The following H2BN1 variants were observed in gnomAD, a reference collection of about 807,000 sequenced individuals.
The protein encoded by H2BN1 is histone H2B.N.
chr17:32,898,004 T>C, the H2BN1 span, among the ~76,000 whole-genome samples: 1 of 152,208 alleles, frequency 6.6e-6, no homozygotes, highest in African/African-American at 2.4e-5. Flanking sequence ...CTGGAATTAG[T>C]CTGTGTTATC....
At chr17:32,901,097 A>C in the H2BN1 span, among the ~76,000 whole-genome samples, 5 of 152,084 alleles carry the variant, frequency 3.3e-5, no homozygotes, top group African/African-American at 1.2e-4. Context: ...AATCTCAGTT[A>C]CTTGGGAGGC....
chr17:32,904,288 G>A, the H2BN1 span, among the ~76,000 whole-genome samples: 3 of 152,146 alleles, frequency 2.0e-5, no homozygotes, highest in Non-Finnish European at 4.4e-5. Context: ...CAGACAAGCC[G>A]AATTGAGATT....
the H2BN1 span, chr17:32,906,289 G>A: frequency 6.6e-6 from 1 of 152,248 alleles, no homozygotes; most frequent in East Asian, 1.9e-4. Context: ...CATTTAGGCT[G>A]TCCTTCTACA....
At chr17:32,901,864 G>A in the H2BN1 span, among the ~76,000 whole-genome samples, 1 of 151,748 alleles carries the variant, frequency 6.6e-6, no homozygotes, top group East Asian at 1.9e-4. Context: ...GTGTAGAAGT[G>A]TTTTTTTTAA....
At chr17:32,904,953 A>G in the H2BN1 span, among the ~76,000 whole-genome samples, 4 of 152,194 alleles carry the variant, frequency 2.6e-5, no homozygotes, top group Non-Finnish European at 4.4e-5. Flanking sequence ...AACAACAACA[A>G]CAAAAACCCA....
the H2BN1 span, among the ~76,000 whole-genome samples, chr17:32,905,116 C>G: frequency 2.0e-5 from 3 of 152,246 alleles, no homozygotes; most frequent in South Asian, 6.2e-4. Context: ...AGGAAAAAAG[C>G]CTCAAACTCC....
chr17:32,905,876 T>C, the H2BN1 span: 1 of 152,126 alleles, frequency 6.6e-6, no homozygotes, highest in African/African-American at 2.4e-5. Context: ...GAGGGGTGAC[T>C]TTGAATAGAA....
chr17:32,906,407 A>G, the H2BN1 span: 4 of 152,204 alleles, frequency 2.6e-5, no homozygotes, highest in East Asian at 7.7e-4. Flanking sequence ...CCTTGTTAAA[A>G]TGACTCACTT....
the H2BN1 span, among the ~76,000 whole-genome samples, chr17:32,901,834 T>G: frequency 1.9e-4 from 29 of 152,196 alleles, no homozygotes; most frequent in African/African-American, 7.0e-4. Context: ...GAAAATTTCA[T>G]TGTTCTAACC....
the H2BN1 span, among the ~76,000 whole-genome samples, chr17:32,903,053 T>C: frequency 6.6e-6 from 1 of 152,118 alleles, no homozygotes; most frequent in African/African-American, 2.4e-5. Context: ...GGTTAATTTA[T>C]TAAAGATTTT....
At chr17:32,904,974 C>T in the H2BN1 span, among the ~76,000 whole-genome samples, 1 of 152,096 alleles carries the variant, frequency 6.6e-6, no homozygotes, top group African/African-American at 2.4e-5. Flanking sequence ...ACAATATGAT[C>T]ACTGAGTGTT....
the H2BN1 span, among the ~76,000 whole-genome samples, chr17:32,902,897 T>C: frequency 6.6e-6 from 1 of 152,148 alleles, no homozygotes; most frequent in Non-Finnish European, 1.5e-5. Context: ...GCTGTGTTTA[T>C]AGTTTTGTAA....
At chr17:32,899,182 C>T in the H2BN1 span, among the ~76,000 whole-genome samples, 1 of 152,022 alleles carries the variant, frequency 6.6e-6, no homozygotes, top group Non-Finnish European at 1.5e-5. Flanking sequence ...TTTTATTATA[C>T]TTGGCCTGAT....
At chr17:32,901,634 T>C in the H2BN1 span, among the ~76,000 whole-genome samples, 1 of 152,202 alleles carries the variant, frequency 6.6e-6, no homozygotes, top group African/African-American at 2.4e-5. Flanking sequence ...TAACTCAATG[T>C]CACAAGTACT....
chr17:32,899,250 G>C, the H2BN1 span, among the ~76,000 whole-genome samples: 1 of 152,164 alleles, frequency 6.6e-6, no homozygotes, highest in African/African-American at 2.4e-5. Flanking sequence ...AATTGGCTTT[G>C]ATGGAACTTT....
the H2BN1 span, among the ~76,000 whole-genome samples, chr17:32,902,125 AC>A: frequency 4.6e-4 from 70 of 150,904 alleles, no homozygotes; most frequent in African/African-American, 1.6e-3. Flanking sequence ...AAAAAAAAAA[AC>A]CTCTTTACTT....
At chr17:32,899,219 A>T in the H2BN1 span, among the ~76,000 whole-genome samples, 1 of 152,104 alleles carries the variant, frequency 6.6e-6, no homozygotes, top group African/African-American at 2.4e-5. Context: ...AGCAAGAAAA[A>T]TTTTTTAACA....
chr17:32,905,138 G>A, the H2BN1 span, among the ~76,000 whole-genome samples: 1 of 152,146 alleles, frequency 6.6e-6, no homozygotes, highest in African/African-American at 2.4e-5. Context: ...CTTCCCTGCC[G>A]AGAGTGAGCT....
chr17:32,905,380 C>G, the H2BN1 span, among the ~76,000 whole-genome samples: 4 of 152,150 alleles, frequency 2.6e-5, no homozygotes, highest in African/African-American at 4.8e-5. Context: ...ATAAAGTTAG[C>G]TCATGCTGGT....
Sources: gnomAD v4.1 joint callset for allele counts (sites outside exome capture counted in the v4.1 genomes callset) on GRCh38, gnomAD v4.1.1 for gene constraint, MANE v1.5 for transcripts, NCBI Gene and HGNC (gene_info 2026-07-23, HGNC 2026-07-21) for gene names.